The following ATAD1 variants were observed in gnomAD, a reference collection of about 807,000 sequenced individuals.
The protein encoded by ATAD1 is ATPase family AAA domain containing 1.
ATAD1 carries 18 observed loss-of-function variants against 42.7 expected under a neutral mutation model. That is an observed-to-expected ratio of 0.42 (90% CI 0.29 to 0.63). The LOEUF is 0.63. ATAD1 is among the 20% of genes least tolerant of loss of function. The pLI is 0.19. For missense variants in ATAD1, 294 were observed against 440.4 expected, an observed-to-expected ratio of 0.67 and a Z score of 2.98; for synonymous variants, 132 against 143.1, an observed-to-expected ratio of 0.92 and a Z score of 0.55.
chr10:87,830,034 C>A (rs946372643), intron 1 of ATAD1, among the ~76,000 whole-genome samples: 2 of 152,104 alleles, frequency 1.3e-5, no homozygotes, highest in African/African-American at 2.4e-5. Context: ...TTGCCTCTAC[C>A]CCCAACCCTC....
intron 3 of ATAD1, among the ~76,000 whole-genome samples, chr10:87,790,784 C>T (rs1432710205): frequency 2.0e-5 from 3 of 152,034 alleles, no homozygotes; most frequent in African/African-American, 7.2e-5. Flanking sequence ...TGGGAAAGAG[C>T]TCATCAGGAA....
At chr10:87,790,860 A>T (rs1026223781) in intron 3 of ATAD1, among the ~76,000 whole-genome samples, 9 of 152,026 alleles carry the variant, frequency 5.9e-5, no homozygotes, top group African/African-American at 2.2e-4. Flanking sequence ...AAGGTCTTAC[A>T]AAACATAGCT....
At chr10:87,776,797 C>T (rs1032263344) in intron 5 of ATAD1, among the ~76,000 whole-genome samples, 5 of 151,930 alleles carry the variant, frequency 3.3e-5, no homozygotes, top group Non-Finnish European at 7.4e-5. Context: ...TATGTAATTT[C>T]AAATGTTCCT....
intron 6 of ATAD1, among the ~76,000 whole-genome samples, chr10:87,775,984 T>A (rs887427790): frequency 1.3e-5 from 2 of 152,116 alleles, no homozygotes; most frequent in Non-Finnish European, 2.9e-5. Flanking sequence ...AACAGTTTTT[T>A]AAAAAAATGT....
chr10:87,814,468 G>C lies in ATAD1; in HGVS notation c.132C>G (p.Thr44=), dbSNP rs1297660706. The C allele has an allele frequency of 6.3e-7, 1 of 1,598,822 alleles. No homozygotes were observed. The highest frequency in any genetic ancestry group is 1.3e-5 in the African/African-American group (1 of 74,178). Residue 44 remains threonine, a synonymous_variant, in exon 2 of 10, where the codon ACC becomes ACG. Coordinates refer to ENST00000680024, the MANE Select transcript of ATAD1 (RefSeq NM_001321967.2). ...TCTGAGCTTCTACTTTTTGCTTTCT[G>C]GTTGGATCAATTGCATCTACCATCC... ...IKWMVDAIDP[T]RKQKVEAQKQ...
At chr10:87,797,685 T>C (rs769293558) in intron 2 of ATAD1, among the ~76,000 whole-genome samples, 27 of 152,168 alleles carry the variant, frequency 1.8e-4, no homozygotes, top group Non-Finnish European at 3.2e-4. Context: ...CCTTGGTGTG[T>C]GTAATGGTGA....
intron 6 of ATAD1, among the ~76,000 whole-genome samples, chr10:87,772,354 C>T (rs1855087232): frequency 6.6e-6 from 1 of 151,998 alleles, no homozygotes. Context: ...CTCAAGCGAT[C>T]CTCCCCACTC....
Position 87,790,257 on chromosome 10 carries a change from T to G in ATAD1, c.382+53A>C. 8 of 1,582,672 alleles carry G rather than the reference T, an allele frequency of 5.1e-6. No individual in the cohort carries two copies. The South Asian group carries it at 9.4e-5, about 19-fold the overall frequency. ...ACTAGTTCTACAATGGCAGAAAGTT[T>G]CAATGTTTTCTAGGATTTTAATGCT... On this transcript the variant is annotated intron_variant, in intron 4 of 9. Transcript: ENST00000680024.
At chr10:87,812,630 T>TA (rs1035403172) in intron 2 of ATAD1, among the ~76,000 whole-genome samples, 60 of 152,276 alleles carry the variant, frequency 3.9e-4, no homozygotes, top group South Asian at 6.2e-4. Flanking sequence ...CAAGAAGCTA[T>TA]AGCCGTTGGC....
chr10:87,755,102 C>A (rs1049225386), intron 9 of ATAD1, among the ~76,000 whole-genome samples: 26 of 152,124 alleles, frequency 1.7e-4, no homozygotes, highest in African/African-American at 6.0e-4. Context: ...AAAGACTTCA[C>A]ATCTATAAGT....
intron 2 of ATAD1, among the ~76,000 whole-genome samples, chr10:87,813,988 A>G (rs980655996): frequency 6.6e-6 from 1 of 152,108 alleles, no homozygotes; most frequent in Admixed American, 6.5e-5. Flanking sequence ...TATATTAATA[A>G]TCAACAACTT....
At chr10:87,824,232 G>A (rs553388667) in intron 1 of ATAD1, among the ~76,000 whole-genome samples, 2 of 148,504 alleles carry the variant, frequency 1.3e-5, no homozygotes, top group South Asian at 2.1e-4. Flanking sequence ...GGAAAAAAAA[G>A]GGAAGGGGGG....
At position 87,752,581 on chromosome 10, in the gene ATAD1, A is replaced by C. The variant is rs1467714891; in HGVS notation, c.*2106T>G. 6.6e-6 allele frequency: 1 copy of C among 152,164 alleles called. No homozygotes were observed. The highest frequency in any genetic ancestry group is 1.5e-5 in the Non-Finnish European group (1 of 68,020). 9.4% of individuals were successfully genotyped at this position (152,164 alleles called of 1,614,324 possible). ...GGGGAGCCTGAGTTTAAATTCAGGA[A>C]GCCTGATTCTAGATCCAGTACTCTG... On this transcript the variant is annotated 3_prime_UTR_variant, in exon 10 of 10. Transcript: ENST00000680024.
rs1380850260 is a variant in ATAD1 at position 87,754,063 on chromosome 10, G to C, written c.*624C>G. 1 of 152,366 alleles carries C rather than the reference G, an allele frequency of 6.6e-6. No individual in the cohort carries two copies. Among genetic ancestry groups the C allele is most frequent in the East Asian group, 1.9e-4 (1 of 5,206 alleles). The allele number at this position is 152,366 out of a possible 1,614,324, so 9.4% of individuals were successfully genotyped here. A position where few individuals can be genotyped will look rare whatever the true frequency, so the allele number is the denominator to read the frequency against. On this transcript the variant is annotated 3_prime_UTR_variant, in exon 10 of 10. Transcript: ENST00000680024. ...AGCCCATGTATATATGCAAGATGTGGAGGATCCAACTAATAACTGCAGAAA... is the reference window on the plus strand; with the variant it reads ...AGCCCATGTATATATGCAAGATGTGCAGGATCCAACTAATAACTGCAGAAA...
At chr10:87,760,068 GTTGT>G (rs772835900) in intron 8 of ATAD1, among the ~76,000 whole-genome samples, 5 of 152,324 alleles carry the variant, frequency 3.3e-5, no homozygotes, top group East Asian at 1.9e-4. Flanking sequence ...TACTTATGCA[GTTGT>G]TTATTATTAT....
At chr10:87,828,370 G>A (rs1857766815) in intron 1 of ATAD1, among the ~76,000 whole-genome samples, 1 of 152,182 alleles carries the variant, frequency 6.6e-6, no homozygotes, top group African/African-American at 2.4e-5. Flanking sequence ...TAGATGGTCT[G>A]GGTAGAAGAT....
chr10:87,781,353 C>G (rs931748883), intron 5 of ATAD1, among the ~76,000 whole-genome samples: 1 of 152,040 alleles, frequency 6.6e-6, no homozygotes, highest in Non-Finnish European at 1.5e-5. Context: ...AACAGAACTT[C>G]TAAAGTTCAA....
In ATAD1 at chr10:87,756,886, C is replaced by T. The variant is rs201303095; in HGVS notation, c.868G>A (p.Glu290Lys). Residue 290 changes from glutamate (E) to lysine (K), a missense_variant, in exon 9 of 10, where the codon GAA becomes AAA. By Grantham distance (56) the Glu-to-Lys change is moderately conservative. This residue lies in a region of ATAD1 where 142 missense variants were observed against 174.6 expected (regional missense o/e 0.81). Coordinates refer to ENST00000680024, the MANE Select transcript of ATAD1 (RefSeq NM_001321967.2). ...TCACTTCCTGAAAACCCATCAGTTT[C>T]CTGGGCAACTTCTAGCAGGTCTACA... ...RHVDLLEVAQETDGFSGSDLK... is the reference protein window; with the variant it reads ...RHVDLLEVAQKTDGFSGSDLK... The T allele has an allele frequency of 1.4e-4, 226 of 1,612,052 alleles. No individual in the cohort carries two copies. Among genetic ancestry groups the T allele is most frequent in the Non-Finnish European group, 1.5e-4 (179 of 1,179,220 alleles).
rs1854023739 is a variant in ATAD1 at position 87,751,530 on chromosome 10, T to G, written c.*3157A>C. ...TAGTCAATTATGTTAGAAGCTCATA[T>G]TTAATAAGGTTCAAGTTCTCCTCAA... On this transcript the variant is annotated 3_prime_UTR_variant, in exon 10 of 10. Transcript: ENST00000680024. 1 of 152,230 alleles carries G rather than the reference T, an allele frequency of 6.6e-6. No individual in the cohort carries two copies. 9.4% of individuals were successfully genotyped at this position (152,230 alleles called of 1,614,324 possible).
Sources: gnomAD v4.1 joint callset for allele counts (sites outside exome capture counted in the v4.1 genomes callset) on GRCh38, gnomAD v4.1.1 for gene constraint, gnomAD v4.1.1 regional missense constraint, MANE v1.5 for transcripts, NCBI Gene and HGNC (gene_info 2026-07-23, HGNC 2026-07-21) for gene names.